MDGA2: variants seen among roughly 807,000 people sequenced by gnomAD.
MDGA2 encodes MAM domain containing glycosylphosphatidylinositol anchor 2.
A neutral mutation model predicts 117.8 loss-of-function variants in MDGA2; 40 were observed. The ratio of observed to expected loss-of-function variants is 0.34; its 90% CI spans 0.26 to 0.44. MDGA2 has a LOEUF of 0.44. Ranked by LOEUF, MDGA2 falls within the 20% of genes least tolerant of loss-of-function variation. The pLI is 1.00. For missense variants in MDGA2, 1,123 were observed against 1,250.6 expected (o/e 0.90, Z 1.54); for synonymous variants, 452 against 439.0 (o/e 1.03, Z -0.37).
chr14:47,597,852 A>G (rs868852470), intron 1 of MDGA2, among the ~76,000 whole-genome samples: 1 of 132,876 alleles, frequency 7.5e-6, no homozygotes, highest in Middle Eastern at 3.9e-3. Flanking sequence ...ACATACACAC[A>G]CACACACACA....
chr14:47,545,006 C>A (rs1239086772), intron 1 of MDGA2, among the ~76,000 whole-genome samples: 2 of 152,098 alleles, frequency 1.3e-5, no homozygotes, highest in Non-Finnish European at 2.9e-5. Context: ...CTGTGCCAAC[C>A]AAAATTGATT....
intron 3 of MDGA2, among the ~76,000 whole-genome samples, chr14:47,167,700 T>C: frequency 6.6e-6 from 1 of 152,152 alleles, no homozygotes; most frequent in African/African-American, 2.4e-5. Flanking sequence ...CAGGGAGTTA[T>C]CGGAAATATT....
rs1409381183 is a variant in MDGA2, at chr14:47,534,727, G to A, written c.280+139790C>T. Among the ~76,000 whole-genome samples the A allele has an allele frequency of 2.6e-5, 4 of 152,196 alleles. No homozygotes were observed. The East Asian group carries it at 5.8e-4, about 22-fold the overall frequency. On this transcript the variant is annotated intron_variant, in intron 1 of 16. Transcript: ENST00000399232. The stretch of plus-strand genomic sequence containing the variant: ...CCATATCAGTAGCTTCAAAAGCACA[G>A]GTTGTCCTGGCACTCTGAACCAAGT...
chr14:46,947,580 G>A (rs923368019), intron 9 of MDGA2, among the ~76,000 whole-genome samples: 7 of 151,974 alleles, frequency 4.6e-5, no homozygotes, highest in Admixed American at 1.3e-4. Flanking sequence ...TGCTCTTTCC[G>A]TGAGTCTCAT....
intron 9 of MDGA2, among the ~76,000 whole-genome samples, chr14:46,931,868 T>C (rs1884592438): frequency 6.6e-6 from 1 of 152,120 alleles, no homozygotes. Flanking sequence ...TTAATTGTAG[T>C]CATATGAATA....
chr14:47,171,041 T>C (rs561692789), intron 3 of MDGA2, among the ~76,000 whole-genome samples: 4 of 152,288 alleles, frequency 2.6e-5, no homozygotes, highest in South Asian at 2.1e-4. Flanking sequence ...CTAATTCAAA[T>C]ATACATTTGA....
intron 9 of MDGA2, among the ~76,000 whole-genome samples, chr14:46,941,292 A>T (rs1428604171): frequency 6.6e-5 from 10 of 152,230 alleles, no homozygotes; most frequent in African/African-American, 2.4e-4. Context: ...ATGTGAAATT[A>T]TAAGACTGTG....
At chr14:47,365,299 C>T (rs893733878) in intron 1 of MDGA2, among the ~76,000 whole-genome samples, 2 of 152,240 alleles carry the variant, frequency 1.3e-5, no homozygotes, top group Non-Finnish European at 2.9e-5. Context: ...CTGCCTTTCC[C>T]TTCTGTTAAG....
chr14:47,471,290 C>A (rs1893723291), intron 1 of MDGA2, among the ~76,000 whole-genome samples: 1 of 150,032 alleles, frequency 6.7e-6, no homozygotes, highest in African/African-American at 2.5e-5. Flanking sequence ...GATGTTGTCA[C>A]CTTACCATTT....
chr14:47,065,669 A>G (rs188718495), intron 6 of MDGA2, among the ~76,000 whole-genome samples: 96 of 152,316 alleles, frequency 6.3e-4, no homozygotes, highest in East Asian at 4.1e-3. Context: ...TCAATAATAA[A>G]CTAAAATTTA....
At chr14:47,098,844 T>C (rs1201562993) in intron 5 of MDGA2, among the ~76,000 whole-genome samples, 1 of 151,996 alleles carries the variant, frequency 6.6e-6, no homozygotes, top group Non-Finnish European at 1.5e-5. Context: ...AATGGTGACA[T>C]TAAGTCCGGG....
chr14:47,033,290 G>A (rs1025876812), intron 8 of MDGA2, among the ~76,000 whole-genome samples: 1 of 151,900 alleles, frequency 6.6e-6, no homozygotes, highest in African/African-American at 2.4e-5. Context: ...ACTTTAATTT[G>A]AAGTTCGCTA....
At chr14:46,899,314 A>G (rs1485686137) in intron 10 of MDGA2, among the ~76,000 whole-genome samples, 1 of 152,058 alleles carries the variant, frequency 6.6e-6, no homozygotes, top group Non-Finnish European at 1.5e-5. Flanking sequence ...GCAGAATTAC[A>G]ATAAATTTCC....
intron 3 of MDGA2, among the ~76,000 whole-genome samples, chr14:47,212,704 G>T (rs868142111): frequency 6.6e-6 from 1 of 152,126 alleles, no homozygotes; most frequent in Middle Eastern, 3.4e-3. Context: ...CGTGCTTTTG[G>T]TTAAATCAAG....
At chr14:47,183,076 C>G (rs1430818350) in intron 3 of MDGA2, among the ~76,000 whole-genome samples, 1 of 152,116 alleles carries the variant, frequency 6.6e-6, no homozygotes. Flanking sequence ...GTTTTCTGAA[C>G]ATTTATATGT....
intron 2 of MDGA2, among the ~76,000 whole-genome samples, chr14:47,228,211 A>G (rs936452090): frequency 6.6e-6 from 1 of 152,228 alleles, no homozygotes; most frequent in Non-Finnish European, 1.5e-5. Context: ...AACATGTTTC[A>G]TAACTTGAAA....
intron 2 of MDGA2, among the ~76,000 whole-genome samples, chr14:47,251,862 T>C (rs1354517741): frequency 6.6e-6 from 1 of 152,136 alleles, no homozygotes; most frequent in East Asian, 1.9e-4. Flanking sequence ...TAACCTGTTA[T>C]TGGGTTTGTT....
intron 7 of MDGA2, among the ~76,000 whole-genome samples, chr14:47,036,577 C>T (rs1012522128): frequency 2.0e-5 from 3 of 152,152 alleles, no homozygotes; most frequent in Non-Finnish European, 4.4e-5. Flanking sequence ...AAATAGAATG[C>T]TATAAATACG....
chr14:46,875,934 A>G (rs1441061146), intron 12 of MDGA2, among the ~76,000 whole-genome samples: 1 of 151,546 alleles, frequency 6.6e-6, no homozygotes, highest in Admixed American at 6.6e-5. Context: ...TTCGTAATTT[A>G]AACTTGGTTA....
Sources: allele counts gnomAD v4.1 joint callset (sites outside exome capture counted in the v4.1 genomes callset), GRCh38; gene constraint gnomAD v4.1.1; transcripts MANE v1.5; gene names NCBI Gene and HGNC (gene_info 2026-07-23, HGNC 2026-07-21).